Variants in PPL observed in about 807,000 individuals in gnomAD.
PPL encodes 190 kDa paraneoplastic pemphigus antigen.
A neutral mutation model predicts 194.4 loss-of-function variants in PPL; 198 were observed. The ratio of observed to expected loss-of-function variants is 1.02; its 90% CI spans 0.91 to 1.15. The LOEUF (loss-of-function observed/expected upper bound fraction) is 1.15. PPL is among the 50% of genes most tolerant of loss of function. The probability of loss-of-function intolerance (pLI) is 0.00; values close to 1 mark genes in which losing one functional copy is unlikely to be tolerated. For synonymous variants in PPL, 1,220 were observed against 972.4 expected (o/e 1.25, Z -4.74); for missense variants, 2,885 against 2,294.8 (o/e 1.26, Z -5.25).
Position 4,900,991 on chromosome 16 carries a change from C to A in PPL, c.537G>T (p.Gly179=). The change falls in exon 5 of 22, where the codon GGG becomes GGT. Residue 179 remains glycine (G), a synonymous_variant. Coordinates refer to ENST00000345988, the MANE Select transcript of PPL (RefSeq NM_002705.5). Reference sequence around the variant, plus strand: ...TGTCCCCGTCCTTGGCCAGGTGGGGCCCGATGGCCTTGACCTCATTGTGGA... The same window carrying A: ...TGTCCCCGTCCTTGGCCAGGTGGGGACCGATGGCCTTGACCTCATTGTGGA... ...NIFHNEVKAI[G]PHLAKDGDKE... 1.9e-6 allele frequency: 3 copies of A among 1,614,162 alleles called. No individual in the cohort carries two copies. The highest frequency in any genetic ancestry group is 2.2e-5 in the South Asian group (2 of 91,086).
rs566030143 is a variant in PPL at position 4,909,247 on chromosome 16, C to T, written c.162+1603G>A. ...CTGTGCCCACCCCAGCCCACCTACC[C>T]GCTTGGGTCTCTTGGCTGCTGTGGA... On this transcript the variant is annotated intron_variant, in intron 2 of 21. Coordinates refer to ENST00000345988, the MANE Select transcript of PPL (RefSeq NM_002705.5). Among the ~76,000 whole-genome samples the T allele has an allele frequency of 5.7e-4, 87 of 152,244 alleles. 1 individual carries two copies. Among genetic ancestry groups the T allele is most frequent in the African/African-American group, 2.0e-3 (83 of 41,538 alleles).
chr16:4,936,817 C>T (rs556936696), intron 1 of PPL, among the ~76,000 whole-genome samples, 167 bp downstream of exon 1: 1 of 152,328 alleles, frequency 6.6e-6, no homozygotes, highest in East Asian at 1.9e-4. Context: ...TTCCCAGCTT[C>T]AGGGTGGCCT....
At chr16:4,930,132 G>C (rs74528254) in intron 1 of PPL, among the ~76,000 whole-genome samples, 1 of 151,996 alleles carries the variant, frequency 6.6e-6, no homozygotes, top group Non-Finnish European at 1.5e-5. Context: ...ATGCCTTTTC[G>C]GGTCGTGGAT....
intron 12 of PPL, chr16:4,893,922 C>G: frequency 2.0e-6 from 1 of 494,036 alleles, no homozygotes; most frequent in Non-Finnish European, 3.6e-6. Flanking sequence ...ACAGTAGGTG[C>G]TCAATAAATA....
At chr16:4,897,224 G>T (rs549147234) in intron 9 of PPL, among the ~76,000 whole-genome samples, 1 of 148,146 alleles carries the variant, frequency 6.8e-6, no homozygotes, top group Non-Finnish European at 1.5e-5. Context: ...AATCCCAGCT[G>T]TTCAGGAGGC....
intron 6 of PPL, 86 bp downstream of exon 6, chr16:4,900,744 T>A: frequency 6.3e-7 from 1 of 1,578,256 alleles, no homozygotes; most frequent in South Asian, 1.1e-5. Flanking sequence ...ATGTCATTTT[T>A]AAAACAATAC....
Position 4,891,725 on chromosome 16 carries a change from C to G in PPL, c.1968+86G>C, listed in dbSNP as rs1596547879. On this transcript the variant is annotated intron_variant, in intron 16 of 21. Coordinates refer to ENST00000345988, the MANE Select transcript of PPL (RefSeq NM_002705.5). ...CCTGGGGAGACTGGATGCTGGTGTCCTCATCTATCCAGACGGGCGGGTGGA... is the reference window on the plus strand; with the variant it reads ...CCTGGGGAGACTGGATGCTGGTGTCGTCATCTATCCAGACGGGCGGGTGGA... 5 of 1,478,708 alleles carry G rather than the reference C, an allele frequency of 3.4e-6. No homozygotes were observed. In the East Asian group the frequency reaches 1.2e-4, roughly 35 times the overall value. 91.6% of individuals were successfully genotyped at this position (1,478,708 alleles called of 1,614,324 possible).
intron 16 of PPL, among the ~76,000 whole-genome samples, chr16:4,891,259 C>T (rs910284804): frequency 6.6e-6 from 1 of 152,094 alleles, no homozygotes; most frequent in Non-Finnish European, 1.5e-5. Context: ...AGGTCACAGA[C>T]TTGAATGTTT....
chr16:4,917,422 T>C (rs1047744228), intron 1 of PPL, among the ~76,000 whole-genome samples: 1 of 152,140 alleles, frequency 6.6e-6, no homozygotes, highest in African/African-American at 2.4e-5. Context: ...TCACATATTA[T>C]TCCATTGATA....
chr16:4,888,986 C>T lies in PPL; in HGVS notation c.2389G>A (p.Ala797Thr). The T allele has an allele frequency of 6.2e-7, 1 of 1,613,406 alleles. No individual in the cohort carries two copies. Among genetic ancestry groups the T allele is most frequent in the Non-Finnish European group, 8.5e-7 (1 of 1,179,858 alleles). Residue 797 changes from alanine to threonine, a missense_variant, in exon 19 of 22, where the codon GCT becomes ACT. Ala to Thr is a moderately conservative substitution (Grantham distance 58). Transcript: ENST00000345988. ...GAAGTTTCCCGGCTCACCTTTACAG[C>T]TTGCTGGTACTGCTGGGAATTGGCA... ...ICANSQQYQQ[A>T]VKDYELEAEK...
chr16:4,888,989 G>A lies in PPL; in HGVS notation c.2386C>T (p.Gln796Ter). 6.2e-7 allele frequency: 1 copy of A among 1,613,390 alleles called. No individual in the cohort carries two copies. Among genetic ancestry groups the A allele is most frequent in the South Asian group, 1.1e-5 (1 of 91,034 alleles). The change falls in exon 19 of 22, where the codon CAA becomes TAA. Residue 796 changes from glutamine to a stop codon, truncating the protein, a stop_gained. Transcript: ENST00000345988. LOFTEE classifies it high-confidence loss of function. ...GTTTCCCGGCTCACCTTTACAGCTT[G>A]CTGGTACTGCTGGGAATTGGCACAG... Reference protein sequence around the residue: ...KICANSQQYQQAVKDYELEAE... With the variant: ...KICANSQQYQ
chr16:4,923,589 T>C (rs2089096574), intron 1 of PPL, among the ~76,000 whole-genome samples: 1 of 152,144 alleles, frequency 6.6e-6, no homozygotes, highest in African/African-American at 2.4e-5. Flanking sequence ...AACTGGCCCA[T>C]TCTTTCTACC....
intron 19 of PPL, 150 bp downstream of exon 19, chr16:4,888,828 C>T: frequency 1.4e-6 from 1 of 737,904 alleles, no homozygotes; most frequent in East Asian, 2.5e-5. Context: ...TTCCCAAAAG[C>T]CTGTGCCAGT....
intron 1 of PPL, among the ~76,000 whole-genome samples, chr16:4,927,622 G>C (rs1424296568): frequency 1.3e-5 from 2 of 152,242 alleles, no homozygotes; most frequent in Non-Finnish European, 1.5e-5. Flanking sequence ...TCAATTGACT[G>C]ATTCTCTCAC....
At position 4,890,297 on chromosome 16, in the gene PPL, G is replaced by T; in HGVS notation, c.2200C>A (p.His734Asn). ...ACGTGGTCATGGCCGCGGTGGAAGT[G>T]CTCGTAGGCTGCCTTGGCGCTCTGT... is the stretch of plus-strand genomic sequence containing the variant. ...SLQSAKAAYE[H>N]FHRGHDHVLQ... is the part of the protein sequence containing the mutation. Residue 734 changes from histidine to asparagine, a missense_variant, in exon 18 of 22, where the codon CAC becomes AAC. By Grantham distance (68) the His-to-Asn change is moderately conservative. Coordinates refer to ENST00000345988, the MANE Select transcript of PPL (RefSeq NM_002705.5). 2 of 1,614,108 alleles carry T rather than the reference G, an allele frequency of 1.2e-6. No individual in the cohort carries two copies. Among genetic ancestry groups the T allele is most frequent in the Non-Finnish European group, 1.7e-6 (2 of 1,180,014 alleles).
intron 7 of PPL, 45 bp downstream of exon 7, chr16:4,899,178 T>C: frequency 6.2e-7 from 1 of 1,613,550 alleles, no homozygotes; most frequent in Admixed American, 1.7e-5. Context: ...CCGTGCTCCT[T>C]CCAGGGCTGC....
At position 4,905,981 on chromosome 16, in the gene PPL, A is replaced by C. The variant is rs116378928; in HGVS notation, c.163-1941T>G. On this transcript the variant is annotated intron_variant, in intron 2 of 21. Transcript: ENST00000345988. ...AAGGTAGCTGGGTGTGATGGCATGCACCTATAGTCCTAGCTACTCAGGACG... is the reference window on the plus strand; with the variant it reads ...AAGGTAGCTGGGTGTGATGGCATGCCCCTATAGTCCTAGCTACTCAGGACG... 5.9e-3 allele frequency among the ~76,000 whole-genome samples: 900 copies of C among 152,232 alleles called. 14 individuals are homozygous for C. The highest frequency in any genetic ancestry group is 0.021 in the African/African-American group (861 of 41,536).
At chr16:4,934,484 T>C (rs1308853803) in intron 1 of PPL, among the ~76,000 whole-genome samples, 2 of 151,910 alleles carry the variant, frequency 1.3e-5, no homozygotes, top group Non-Finnish European at 2.9e-5. Flanking sequence ...CATGAGACAC[T>C]CAGTATTACC....
intron 12 of PPL, among the ~76,000 whole-genome samples, chr16:4,894,068 A>G (rs892596567): frequency 3.3e-5 from 5 of 152,218 alleles, no homozygotes; most frequent in African/African-American, 7.2e-5. Flanking sequence ...AGACTGACGC[A>G]TACGCTAGTC....
Sources: allele counts gnomAD v4.1 joint callset (sites outside exome capture counted in the v4.1 genomes callset), GRCh38; gene constraint gnomAD v4.1.1; transcripts MANE v1.5; gene names NCBI Gene and HGNC (gene_info 2026-07-23, HGNC 2026-07-21).